Variants in RANBP10 observed in about 807,000 individuals in gnomAD.
RANBP10 encodes the protein ran-binding protein 10.
RANBP10 carries 24 observed loss-of-function variants against 72.8 expected under a neutral mutation model. That is an observed-to-expected ratio of 0.33 (90% CI 0.24 to 0.46). The LOEUF (loss-of-function observed/expected upper bound fraction) is 0.46. Among genes scored for constraint, RANBP10 ranks in the 20% least tolerant of loss-of-function variants. The pLI is 1.00. For missense variants in RANBP10, 679 were observed against 817.5 expected (o/e 0.83, Z 2.07); for synonymous variants, 310 against 322.3 (o/e 0.96, Z 0.41).
At chr16:67,791,140 A>G (rs561382490) in intron 2 of RANBP10, among the ~76,000 whole-genome samples, 1 of 151,760 alleles carries the variant, frequency 6.6e-6, no homozygotes, top group Admixed American at 6.6e-5. Flanking sequence ...CAGCCTCCCA[A>G]GTAGCTGGGA....
intron 7 of RANBP10, 135 bp downstream of exon 7, chr16:67,731,337 G>C (rs776029506): frequency 1.5e-6 from 1 of 676,128 alleles, no homozygotes; most frequent in African/African-American, 1.8e-5. Context: ...ACAGGAACAT[G>C]GCCTCGAGCT....
chr16:67,741,585 T>C (rs766819998), intron 4 of RANBP10, among the ~76,000 whole-genome samples: 41 of 152,234 alleles, frequency 2.7e-4, no homozygotes, highest in Non-Finnish European at 5.3e-4. Context: ...TGGAAATGAC[T>C]GTGAGCACAT....
chr16:67,804,319 G>T (rs1430681443), intron 2 of RANBP10, among the ~76,000 whole-genome samples: 1 of 151,536 alleles, frequency 6.6e-6, no homozygotes, highest in Non-Finnish European at 1.5e-5. Context: ...CTGGGAGAAA[G>T]AAAAAAAATT....
rs1262662313 is a variant in RANBP10, at chr16:67,727,824, C to T, written c.1547G>A (p.Arg516His). ...AATERIILFGRELQALSEQLG... is the reference protein window; with the variant it reads ...AATERIILFGHELQALSEQLG... ...CTGCTCACTCAATGCCTGCAACTCG[C>T]GGCCAAACAGAATGATCCTTTCTGT... Residue 516 changes from arginine (R) to histidine (H), a missense_variant, in exon 12 of 14, where the codon CGC becomes CAC. Coordinates refer to ENST00000317506, the MANE Select transcript of RANBP10 (RefSeq NM_020850.3). 1.9e-6 allele frequency: 3 copies of T among 1,614,082 alleles called. No individual in the cohort carries two copies. The highest frequency in any genetic ancestry group is 1.7e-6 in the Non-Finnish European group (2 of 1,180,060).
At chr16:67,739,164 C>T (rs2143004515) in intron 4 of RANBP10, 1 of 152,224 alleles carries the variant, frequency 6.6e-6, no homozygotes, top group African/African-American at 2.4e-5. Flanking sequence ...CAGGGTTTCA[C>T]CATGTTGGCC....
intron 2 of RANBP10, among the ~76,000 whole-genome samples, chr16:67,792,996 T>C (rs1283261620): frequency 6.6e-6 from 1 of 152,010 alleles, no homozygotes; most frequent in Non-Finnish European, 1.5e-5. Context: ...TCTGAGCTCC[T>C]TCTCTAATGT....
At chr16:67,747,308 A>T (rs2054101424) in intron 3 of RANBP10, among the ~76,000 whole-genome samples, 1 of 152,072 alleles carries the variant, frequency 6.6e-6, no homozygotes, top group Admixed American at 6.5e-5. Flanking sequence ...TCATGTACTC[A>T]TTTGCCACCT....
intron 10 of RANBP10, 83 bp from the exon 11 acceptor site, chr16:67,728,594 A>T (rs2053657648): frequency 6.2e-7 from 1 of 1,605,358 alleles, no homozygotes; most frequent in Admixed American, 1.7e-5. Flanking sequence ...AGCTGTAGCC[A>T]TGGGTTGCTG....
At chr16:67,733,148 T>C in intron 6 of RANBP10, among the ~76,000 whole-genome samples, 1 of 151,934 alleles carries the variant, frequency 6.6e-6, no homozygotes, top group South Asian at 2.1e-4. Flanking sequence ...GAAAATCACT[T>C]GAGCCCAGAA....
At chr16:67,741,063 C>A (rs2053960786) in intron 4 of RANBP10, among the ~76,000 whole-genome samples, 1 of 152,100 alleles carries the variant, frequency 6.6e-6, no homozygotes, top group Non-Finnish European at 1.5e-5. Flanking sequence ...ATAGTGTGAC[C>A]TTTGGCAAGT....
At chr16:67,763,563 C>G (rs1453578908) in intron 3 of RANBP10, 1 of 152,202 alleles carries the variant, frequency 6.6e-6, no homozygotes, top group Non-Finnish European at 1.5e-5. Flanking sequence ...GCACCAGCTG[C>G]CCCTTCCCTG....
chr16:67,754,781 C>T (rs1468938087), intron 3 of RANBP10, among the ~76,000 whole-genome samples: 2 of 152,230 alleles, frequency 1.3e-5, no homozygotes, highest in Non-Finnish European at 2.9e-5. Context: ...GTTCTGGCCA[C>T]AGCACTGTTC....
intron 5 of RANBP10, among the ~76,000 whole-genome samples, chr16:67,735,908 C>T (rs545576053): frequency 1.3e-5 from 2 of 152,212 alleles, no homozygotes; most frequent in South Asian, 2.1e-4. Flanking sequence ...TGAAGAGAAG[C>T]TACCCTTCCT....
intron 2 of RANBP10, among the ~76,000 whole-genome samples, chr16:67,784,039 C>T (rs1229192559): frequency 1.5e-4 from 20 of 131,550 alleles, no homozygotes; most frequent in Admixed American, 1.2e-3. Context: ...AGAGAGACTC[C>T]GTCTCAAAAA....
At chr16:67,792,826 G>A (rs1407612228) in intron 2 of RANBP10, among the ~76,000 whole-genome samples, 2 of 151,338 alleles carry the variant, frequency 1.3e-5, no homozygotes, top group Non-Finnish European at 2.9e-5. Flanking sequence ...GGGGCCTCAA[G>A]TTAGGGTGCT....
Position 67,731,588 on chromosome 16 carries a change from G to C in RANBP10, c.777-4C>G, listed in dbSNP as rs1318738911. ...CACGAGGTAAGATGAAACCATGCTA[G>C]AAGAAAGGAAGAGCTTCAGGTGACA... On this transcript the variant is annotated splice_region_variant and splice_polypyrimidine_tract_variant and intron_variant, in intron 6 of 13. Coordinates refer to ENST00000317506, the MANE Select transcript of RANBP10 (RefSeq NM_020850.3). The C allele has an allele frequency of 1.2e-6, 2 of 1,607,332 alleles. No homozygotes were observed. Among genetic ancestry groups the C allele is most frequent in the East Asian group, 4.5e-5 (2 of 44,846 alleles).
chr16:67,737,626 G>A (rs1001054472), intron 5 of RANBP10, among the ~76,000 whole-genome samples: 17 of 151,962 alleles, frequency 1.1e-4, no homozygotes, highest in African/African-American at 4.1e-4. Context: ...GATCTCTGAT[G>A]GGTATGTACA....
chr16:67,772,788 T>G (rs1010494192), intron 2 of RANBP10, among the ~76,000 whole-genome samples: 3 of 152,162 alleles, frequency 2.0e-5, no homozygotes, highest in African/African-American at 7.2e-5. Context: ...CTGCTCCCTG[T>G]GTCATTGACA....
At chr16:67,728,020 G>C (rs755089123) in intron 11 of RANBP10, 124 bp from the exon 12 acceptor site, 156 of 1,036,624 alleles carry the variant, frequency 1.5e-4, no homozygotes, top group Non-Finnish European at 2.1e-4. Flanking sequence ...GGGCTGGGAG[G>C]AACAGGTGAG....
Sources: gnomAD v4.1 joint callset for allele counts (sites outside exome capture counted in the v4.1 genomes callset) on GRCh38, gnomAD v4.1.1 for gene constraint, MANE v1.5 for transcripts, NCBI Gene and HGNC (gene_info 2026-07-23, HGNC 2026-07-21) for gene names.